The following CDH20 variants were observed in gnomAD, a reference collection of about 807,000 sequenced individuals.
CDH20 encodes cadherin-20.
CDH20 carries 29 observed loss-of-function variants against 74.2 expected under a neutral mutation model. The ratio of observed to expected loss-of-function variants is 0.39; its 90% CI spans 0.29 to 0.53. The LOEUF is 0.53. Among genes scored for constraint, CDH20 ranks in the 20% least tolerant of loss-of-function variants. The pLI, the probability that CDH20 is intolerant of heterozygous loss-of-function variation, is 0.69. For missense variants in CDH20, 988 were observed against 1,048.3 expected (o/e 0.94, Z 0.79); for synonymous variants, 469 against 405.4 (o/e 1.16, Z -1.88).
intron 1 of CDH20, among the ~76,000 whole-genome samples, chr18:61,395,777 A>G (rs529619957): frequency 5.3e-5 from 8 of 152,306 alleles, no homozygotes; most frequent in East Asian, 1.9e-4. Context: ...GCTTATGCCT[A>G]TAATCCCAGC....
At chr18:61,537,094 T>C (rs952965237) in intron 8 of CDH20, among the ~76,000 whole-genome samples, 1 of 152,092 alleles carries the variant, frequency 6.6e-6, no homozygotes, top group African/African-American at 2.4e-5. Context: ...AATAAACTTA[T>C]AAATGGAATG....
chr18:61,523,482 T>A (rs907455023), intron 6 of CDH20, among the ~76,000 whole-genome samples: 16 of 152,160 alleles, frequency 1.1e-4, no homozygotes, highest in Non-Finnish European at 2.4e-4. Flanking sequence ...GAGTGTAAAT[T>A]AATTCAACCA....
intron 9 of CDH20, among the ~76,000 whole-genome samples, chr18:61,544,654 G>A (rs1459850856): frequency 6.6e-6 from 1 of 152,132 alleles, no homozygotes; most frequent in Non-Finnish European, 1.5e-5. Flanking sequence ...GTCTGCCAGT[G>A]TCTGCTGGTG....
chr18:61,554,303 G>A lies in CDH20; in HGVS notation c.2014G>A (p.Glu672Lys). 6.2e-7 allele frequency: 1 copy of A among 1,613,862 alleles called. No individual in the cohort carries two copies. The highest frequency in any genetic ancestry group is 8.5e-7 in the Non-Finnish European group (1 of 1,179,984). ...IVRYDDEGGG[E>K]EDTEAFDIAA... Reference sequence around the variant, plus strand: ...CCGCTACGACGACGAGGGCGGCGGCGAGGAGGACACCGAGGCCTTCGACAT... The same window carrying A: ...CCGCTACGACGACGAGGGCGGCGGCAAGGAGGACACCGAGGCCTTCGACAT... Residue 672 changes from glutamate (E) to lysine (K), a missense_variant, in exon 12 of 12, where the codon GAG (glutamate) becomes AAG (lysine). Glu to Lys is a moderately conservative substitution (Grantham distance 56). Coordinates refer to ENST00000262717, the MANE Select transcript of CDH20 (RefSeq NM_031891.4).
chr18:61,340,226 C>CTTTTTT (rs59628153), intron 1 of CDH20, among the ~76,000 whole-genome samples: 3 of 119,736 alleles, frequency 2.5e-5, no homozygotes, highest in Non-Finnish European at 5.1e-5. Flanking sequence ...CTTCAGCCTT[C>CTTTTTT]TTTTTTTTTT....
intron 1 of CDH20, among the ~76,000 whole-genome samples, chr18:61,477,959 G>A (rs555234505): frequency 1.1e-3 from 167 of 152,218 alleles, no homozygotes; most frequent in African/African-American, 3.7e-3. Flanking sequence ...CCAGCACTTT[G>A]GGAGGTCGAG....
intron 7 of CDH20, among the ~76,000 whole-genome samples, chr18:61,528,613 A>C (rs1352491834): frequency 1.3e-5 from 2 of 151,862 alleles, no homozygotes; most frequent in African/African-American, 4.8e-5. Context: ...ATGCAGTAGC[A>C]CTCTCTGAGT....
At chr18:61,473,547 A>AAAAGATAC (rs11282498) in intron 1 of CDH20, among the ~76,000 whole-genome samples, 77,395 of 151,488 alleles carry the variant, frequency 0.51, 21,210 homozygotes, top group African/African-American at 0.73. Context: ...TAAATTTTGC[A>AAAAGATAC]ATAACAGCAT....
At chr18:61,520,676 C>T (rs1912174609) in intron 6 of CDH20, among the ~76,000 whole-genome samples, 1 of 151,058 alleles carries the variant, frequency 6.6e-6, no homozygotes, top group African/African-American at 2.5e-5. Flanking sequence ...AAATTGACCA[C>T]ATAATTGGAA....
rs545422588 is a variant in CDH20 at position 61,527,784 on chromosome 18, C to T, written c.1018-183C>T. Among the ~76,000 whole-genome samples, 4 of 152,304 alleles carry T rather than the reference C, an allele frequency of 2.6e-5. No individual in the cohort carries two copies. The East Asian group carries it at 7.7e-4, about 29-fold the overall frequency. ...TCTTTACCCAAAGTGTTGAAACTGA[C>T]ATTAAGACCAAGAACTACAGAACAA... On this transcript the variant is annotated intron_variant, in intron 6 of 11. Coordinates refer to ENST00000262717, the MANE Select transcript of CDH20 (RefSeq NM_031891.4).
At chr18:61,395,628 C>T (rs1295982079) in intron 1 of CDH20, among the ~76,000 whole-genome samples, 2 of 152,130 alleles carry the variant, frequency 1.3e-5, no homozygotes, top group African/African-American at 4.8e-5. Context: ...TAAAAAGATC[C>T]CATACTCCAA....
intron 8 of CDH20, among the ~76,000 whole-genome samples, chr18:61,538,498 C>T (rs1326644975): frequency 6.6e-6 from 1 of 151,958 alleles, no homozygotes; most frequent in Admixed American, 6.6e-5. Flanking sequence ...GTAGGCAACA[C>T]ATGGATCCTA....
At chr18:61,505,808 A>C (rs1484033072) in intron 5 of CDH20, among the ~76,000 whole-genome samples, 1 of 152,204 alleles carries the variant, frequency 6.6e-6, no homozygotes, top group Non-Finnish European at 1.5e-5. Flanking sequence ...CATTCTACAC[A>C]CGTTATCGCT....
chr18:61,498,166 G>A (rs891934726), intron 2 of CDH20, among the ~76,000 whole-genome samples: 31 of 152,202 alleles, frequency 2.0e-4, no homozygotes, highest in Middle Eastern at 3.4e-3. Context: ...TTGGGAGGCC[G>A]AGGCAGGTAG....
intron 8 of CDH20, among the ~76,000 whole-genome samples, chr18:61,538,602 G>GTTTTTTTTTTTTTTTTT (rs1227502362): frequency 2.0e-5 from 1 of 50,436 alleles, no homozygotes; most frequent in Non-Finnish European, 3.8e-5. Flanking sequence ...GTTTGTTTTT[G>GTTTTTTTTTTTTTTTTT]TTTTTGTTTT....
intron 1 of CDH20, among the ~76,000 whole-genome samples, chr18:61,462,476 G>A (rs936668324): frequency 6.6e-6 from 1 of 152,034 alleles, no homozygotes; most frequent in Non-Finnish European, 1.5e-5. Flanking sequence ...CACAGTCATA[G>A]GTACTAGAGG....
intron 1 of CDH20, among the ~76,000 whole-genome samples, chr18:61,451,321 AT>A (rs1909378961): frequency 1.3e-5 from 2 of 152,042 alleles, no homozygotes; most frequent in African/African-American, 2.4e-5. Flanking sequence ...AAATTATTAA[AT>A]TATATAAAAA....
intron 1 of CDH20, among the ~76,000 whole-genome samples, chr18:61,387,415 C>T (rs1034388439): frequency 6.6e-6 from 1 of 152,142 alleles, no homozygotes; most frequent in Non-Finnish European, 1.5e-5. Flanking sequence ...ACATGGTACT[C>T]GTTCCTGATT....
chr18:61,462,638 A>G (rs983795663), intron 1 of CDH20, among the ~76,000 whole-genome samples: 1 of 149,162 alleles, frequency 6.7e-6, no homozygotes, highest in Admixed American at 6.7e-5. Context: ...TTTTCACTTC[A>G]CCAAAAGGAA....
Sources: allele counts gnomAD v4.1 joint callset (sites outside exome capture counted in the v4.1 genomes callset), GRCh38; gene constraint gnomAD v4.1.1; transcripts MANE v1.5; gene names NCBI Gene and HGNC (gene_info 2026-07-23, HGNC 2026-07-21).